Variants in CREBBP observed in about 807,000 individuals in gnomAD.
CREBBP encodes CREB-binding protein.
In CREBBP, 19 loss-of-function variants were observed where a neutral mutation model predicts 265.0. The observed-to-expected ratio is 0.07, with a 90% CI of 0.05 to 0.11. CREBBP has a LOEUF of 0.11. Among genes scored for constraint, CREBBP ranks in the 10% least tolerant of loss-of-function variants. The probability of loss-of-function intolerance (pLI) is 1.00; values close to 1 mark genes in which losing one functional copy is unlikely to be tolerated. For missense variants in CREBBP, 2,525 were observed against 3,219.0 expected (o/e 0.78, Z 5.22); for synonymous variants, 1,457 against 1,223.7 (o/e 1.19, Z -3.98).
chr16:3,745,467 G>C (rs1430876645), intron 21 of CREBBP, 113 bp from the exon 22 acceptor site: 1 of 889,616 alleles, frequency 1.1e-6, no homozygotes, highest in Non-Finnish European at 1.8e-6. Context: ...TTTGAGTAGT[G>C]CTGACATTAA....
intron 2 of CREBBP, among the ~76,000 whole-genome samples, chr16:3,833,928 C>T (rs1003869066): frequency 6.6e-5 from 10 of 152,122 alleles, no homozygotes; most frequent in Admixed American, 6.5e-5. Context: ...ACTCTCAAAA[C>T]TCAACAATAA....
chr16:3,769,876 T>G (rs930665555), intron 14 of CREBBP, among the ~76,000 whole-genome samples: 4 of 145,700 alleles, frequency 2.7e-5, no homozygotes, highest in African/African-American at 5.1e-5. Flanking sequence ...CTCAATGGAA[T>G]TTTTTTTTTT....
chr16:3,824,100 C>T (rs1421859962), intron 2 of CREBBP, among the ~76,000 whole-genome samples: 2 of 152,172 alleles, frequency 1.3e-5, no homozygotes, highest in Non-Finnish European at 2.9e-5. Flanking sequence ...GAGACACAAG[C>T]CACAAGGAAA....
chr16:3,831,719 G>A (rs561226531), intron 2 of CREBBP, among the ~76,000 whole-genome samples: 23 of 152,164 alleles, frequency 1.5e-4, no homozygotes, highest in African/African-American at 3.1e-4. Flanking sequence ...TACAGAGGCC[G>A]GGCATGGTGG....
At chr16:3,756,004 ATTAC>A (rs2052577949) in intron 19 of CREBBP, among the ~76,000 whole-genome samples, 1 of 152,144 alleles carries the variant, frequency 6.6e-6, no homozygotes, top group Non-Finnish European at 1.5e-5. Context: ...GATGGGAGTT[ATTAC>A]TTATCTTGAA....
chr16:3,744,276 C>G (rs868775636), intron 23 of CREBBP, among the ~76,000 whole-genome samples: 8 of 152,244 alleles, frequency 5.3e-5, no homozygotes, highest in Middle Eastern at 3.4e-3. Context: ...AGCCAGCACC[C>G]ACGGGACAGA....
At chr16:3,758,995 A>G in intron 16 of CREBBP, 23 bp from the exon 17 acceptor site, 2 of 1,565,064 alleles carry the variant, frequency 1.3e-6, no homozygotes, top group Non-Finnish European at 1.8e-6. Context: ...CATCAAGAAA[A>G]GACACTTTGT....
rs2151307327 is a variant in CREBBP, at chr16:3,729,130, A to G, written c.5917T>C (p.Tyr1973His). The change falls in exon 31 of 31, where the codon TAC becomes CAC. Residue 1973 changes from tyrosine to histidine, a missense_variant. Tyr to His is a moderately conservative substitution (Grantham distance 83). Coordinates refer to ENST00000262367, the MANE Select transcript of CREBBP (RefSeq NM_004380.3). Reference protein sequence around the residue: ...EREAQQQQHLYRVNINNSMPP... With the variant: ...EREAQQQQHLHRVNINNSMPP... ...ATGCTGTTGTTGATGTTCACCCGGT[A>G]CAGGTGCTGCTGCTGCTGGGCCTCA... 1.3e-6 allele frequency: 2 copies of G among 1,531,502 alleles called. No individual in the cohort carries two copies. Among genetic ancestry groups the G allele is most frequent in the South Asian group, 2.3e-5 (2 of 86,780 alleles). 94.9% of individuals were successfully genotyped at this position (1,531,502 alleles called of 1,614,324 possible).
intron 16 of CREBBP, among the ~76,000 whole-genome samples, chr16:3,762,109 C>T (rs563999104): frequency 1.3e-5 from 2 of 152,278 alleles, no homozygotes; most frequent in East Asian, 1.9e-4. Flanking sequence ...TGTGCTCATT[C>T]GTTTATATAG....
At chr16:3,750,819 A>G (rs1596837170) in intron 20 of CREBBP, among the ~76,000 whole-genome samples, 1 of 152,248 alleles carries the variant, frequency 6.6e-6, no homozygotes, top group Non-Finnish European at 1.5e-5. Context: ...GACTTCAGTA[A>G]CTGAAAGGAT....
chr16:3,852,908 G>C (rs1351068716), intron 1 of CREBBP, among the ~76,000 whole-genome samples: 1 of 151,242 alleles, frequency 6.6e-6, no homozygotes, highest in Non-Finnish European at 1.5e-5. Flanking sequence ...GGCTATTCAT[G>C]TATGTGCAAG....
chr16:3,748,370 GA>G (rs2052396063), intron 21 of CREBBP, among the ~76,000 whole-genome samples: 1 of 152,194 alleles, frequency 6.6e-6, no homozygotes, highest in Non-Finnish European at 1.5e-5. Flanking sequence ...AAGAAAGGTG[GA>G]AAGTCAGGAA....
chr16:3,848,588 T>TG lies in CREBBP; in HGVS notation c.798+1708dup, dbSNP rs1597048618. Among the ~76,000 whole-genome samples, 3 of 152,324 alleles carry TG rather than the reference T, an allele frequency of 2.0e-5. No homozygotes were observed. The East Asian group carries it at 5.8e-4, about 29-fold the overall frequency. On this transcript the variant is annotated intron_variant, in intron 2 of 30. Transcript: ENST00000262367. Reference sequence around the variant, plus strand: ...ACTGCACATGTTAAAGAAATCTCTTTGGGGTCCTCAGTAATTGTTAAGATT... The same window carrying TG: ...ACTGCACATGTTAAAGAAATCTCTTTGGGGGTCCTCAGTAATTGTTAAGATT...
intron 1 of CREBBP, among the ~76,000 whole-genome samples, chr16:3,862,756 T>C (rs1250311567): frequency 6.6e-6 from 1 of 152,274 alleles, no homozygotes; most frequent in East Asian, 1.9e-4. Flanking sequence ...GTTTTTCCCT[T>C]GAAGCTCCCC....
At chr16:3,801,862 T>C (rs999267012) in intron 3 of CREBBP, among the ~76,000 whole-genome samples, 1 of 151,858 alleles carries the variant, frequency 6.6e-6, no homozygotes, top group African/African-American at 2.4e-5. Context: ...AGGAGGTGAG[T>C]ATGGTGTGAG....
intron 5 of CREBBP, among the ~76,000 whole-genome samples, chr16:3,783,846 C>T (rs1373103531): frequency 6.6e-6 from 1 of 152,232 alleles, no homozygotes; most frequent in Admixed American, 6.5e-5. Context: ...TCCCAAAGGG[C>T]TTCCAAGGTA....
At chr16:3,844,980 A>G (rs1407989844) in intron 2 of CREBBP, among the ~76,000 whole-genome samples, 1 of 152,238 alleles carries the variant, frequency 6.6e-6, no homozygotes, top group African/African-American at 2.4e-5. Context: ...AGACTCAGGA[A>G]GTCACAAAAC....
At chr16:3,812,450 A>G (rs980634852) in intron 2 of CREBBP, among the ~76,000 whole-genome samples, 5 of 152,044 alleles carry the variant, frequency 3.3e-5, no homozygotes, top group Admixed American at 2.0e-4. Context: ...ATGTACTGGG[A>G]TTACAGGTGT....
At chr16:3,825,942 C>T (rs190534459) in intron 2 of CREBBP, among the ~76,000 whole-genome samples, 4 of 152,308 alleles carry the variant, frequency 2.6e-5, no homozygotes, top group African/African-American at 4.8e-5. Context: ...CAAGATGAGG[C>T]CAGGCATGGT....
Sources: gnomAD v4.1 joint callset for allele counts (sites outside exome capture counted in the v4.1 genomes callset) on GRCh38, gnomAD v4.1.1 for gene constraint, MANE v1.5 for transcripts, NCBI Gene and HGNC (gene_info 2026-07-23, HGNC 2026-07-21) for gene names.